SRPK2: variants seen among roughly 807,000 people sequenced by gnomAD.
The protein encoded by SRPK2 is SFRS protein kinase 2.
A neutral mutation model predicts 90.8 loss-of-function variants in SRPK2; 21 were observed. The observed-to-expected ratio is 0.23, with a 90% CI of 0.16 to 0.33. The LOEUF (loss-of-function observed/expected upper bound fraction) is 0.33. Among genes scored for constraint, SRPK2 ranks in the 10% least tolerant of loss-of-function variants. The pLI is 1.00. For synonymous variants in SRPK2, 288 were observed against 311.1 expected (o/e 0.93, Z 0.78); for missense variants, 620 against 869.0 (o/e 0.71, Z 3.60).
chr7:105,296,555 A>C (rs964917116), intron 2 of SRPK2, among the ~76,000 whole-genome samples: 11 of 152,234 alleles, frequency 7.2e-5, no homozygotes, highest in Admixed American at 1.3e-4. Context: ...AATAAAGTAT[A>C]ACTTAGAGGA....
At chr7:105,280,301 G>A (rs1364574791) in intron 2 of SRPK2, among the ~76,000 whole-genome samples, 1 of 151,984 alleles carries the variant, frequency 6.6e-6, no homozygotes, top group Non-Finnish European at 1.5e-5. Flanking sequence ...TGTCATCCCA[G>A]CTACTGGAGA....
At chr7:105,188,227 A>T (rs1158146043) in intron 3 of SRPK2, among the ~76,000 whole-genome samples, 1 of 152,244 alleles carries the variant, frequency 6.6e-6, no homozygotes, top group Non-Finnish European at 1.5e-5. Flanking sequence ...AAACATTATA[A>T]GTAAAAGAAG....
intron 2 of SRPK2, among the ~76,000 whole-genome samples, chr7:105,294,915 A>C (rs1477779900): frequency 6.6e-6 from 1 of 152,088 alleles, no homozygotes; most frequent in East Asian, 1.9e-4. Context: ...GTTTTCTTTA[A>C]AAAATACAAA....
At chr7:105,389,207 GAC>G, upstream of SRPK2, 2 of 1,163,688 alleles carry the variant, frequency 1.7e-6, no homozygotes, top group Non-Finnish European at 2.1e-6. Context: ...GGACCCGCGG[GAC>G]CCTCCCTCCC....
At chr7:105,198,341 G>GT (rs11412280) in intron 3 of SRPK2, among the ~76,000 whole-genome samples, 45,644 of 151,716 alleles carry the variant, frequency 0.3, 7,180 homozygotes, top group Non-Finnish European at 0.34. Context: ...TGTGACACAG[G>GT]TTTTTTTTGC....
chr7:105,179,323 T>C (rs556740990), intron 3 of SRPK2, among the ~76,000 whole-genome samples: 36 of 152,322 alleles, frequency 2.4e-4, no homozygotes, highest in African/African-American at 8.2e-4. Context: ...GGGTATATAT[T>C]ATGTGCCACG....
chr7:105,367,951 T>C (rs1819258958), intron 2 of SRPK2, among the ~76,000 whole-genome samples: 1 of 152,114 alleles, frequency 6.6e-6, no homozygotes, highest in African/African-American at 2.4e-5. Flanking sequence ...CAAACACATG[T>C]TGTTGATAGC....
At chr7:105,309,303 TTTTC>T (rs1451563815) in intron 2 of SRPK2, among the ~76,000 whole-genome samples, 3 of 152,140 alleles carry the variant, frequency 2.0e-5, no homozygotes, top group African/African-American at 7.2e-5. Flanking sequence ...ATATGTCCAT[TTTTC>T]TTTAAGGAAT....
intron 2 of SRPK2, among the ~76,000 whole-genome samples, chr7:105,363,705 G>T (rs1469121504): frequency 6.6e-6 from 1 of 152,140 alleles, no homozygotes; most frequent in Non-Finnish European, 1.5e-5. Context: ...TATAAATCAT[G>T]CTACTAGGCT....
intron 3 of SRPK2, among the ~76,000 whole-genome samples, chr7:105,174,657 C>T (rs1054938799): frequency 6.6e-6 from 1 of 152,074 alleles, no homozygotes; most frequent in Non-Finnish European, 1.5e-5. Flanking sequence ...ATATTTCCTT[C>T]CCCCAAAACT....
intron 2 of SRPK2, among the ~76,000 whole-genome samples, chr7:105,298,022 G>A (rs1019379682): frequency 1.3e-5 from 2 of 152,158 alleles, no homozygotes; most frequent in African/African-American, 4.8e-5. Context: ...TGACAGGCGT[G>A]AGCCACCACG....
chr7:105,332,292 G>T (rs544426292), intron 2 of SRPK2, among the ~76,000 whole-genome samples: 1 of 152,240 alleles, frequency 6.6e-6, no homozygotes, highest in East Asian at 1.9e-4. Flanking sequence ...CTGTAAATTT[G>T]GTTGCTCTTT....
At chr7:105,302,181 T>C in intron 2 of SRPK2, 2 of 868,160 alleles carry the variant, frequency 2.3e-6, no homozygotes, top group African/African-American at 3.4e-5. Context: ...AGGTGGCTTT[T>C]TATAAAATAA....
chr7:105,205,989 T>A, intron 2 of SRPK2: 1 of 518,880 alleles, frequency 1.9e-6, no homozygotes, highest in Non-Finnish European at 3.8e-6. Flanking sequence ...AGACAAGAAA[T>A]GATGGCTCTT....
intron 2 of SRPK2, among the ~76,000 whole-genome samples, chr7:105,236,005 CCTGAATAAGAT>C (rs1395938161): frequency 6.6e-6 from 1 of 152,142 alleles, no homozygotes; most frequent in Non-Finnish European, 1.5e-5. Flanking sequence ...TTGAAATAGG[CCTGAATAAGAT>C]CTGTGGTTCT....
At chr7:105,367,607 G>T (rs1819219921) in intron 2 of SRPK2, among the ~76,000 whole-genome samples, 1 of 152,072 alleles carries the variant, frequency 6.6e-6, no homozygotes, top group Non-Finnish European at 1.5e-5. Flanking sequence ...TGAGCTCACT[G>T]CAAAAGCAAC....
At chr7:105,389,098 C>G, upstream of SRPK2, 2 of 975,448 alleles carry the variant, frequency 2.1e-6, no homozygotes, top group Non-Finnish European at 2.4e-6. Context: ...CGCCCATGGC[C>G]GCGCTGGCCC....
intron 2 of SRPK2, among the ~76,000 whole-genome samples, chr7:105,240,132 G>T (rs1240734776): frequency 6.6e-6 from 1 of 152,130 alleles, no homozygotes; most frequent in African/African-American, 2.4e-5. Flanking sequence ...TCAATGTGCC[G>T]ACAGACTGAT....
At chr7:105,197,527 T>C (rs1159545483) in intron 3 of SRPK2, among the ~76,000 whole-genome samples, 6 of 152,156 alleles carry the variant, frequency 3.9e-5, no homozygotes, top group African/African-American at 1.4e-4. Context: ...TATCCCGTAC[T>C]TGCAACCCAA....
Sources: gnomAD v4.1 joint callset for allele counts (sites outside exome capture counted in the v4.1 genomes callset) on GRCh38, gnomAD v4.1.1 for gene constraint, MANE v1.5 for transcripts, NCBI Gene and HGNC (gene_info 2026-07-23, HGNC 2026-07-21) for gene names.